ITGB8: variants seen among roughly 807,000 people sequenced by gnomAD.
ITGB8 encodes the protein integrin subunit beta 8.
A neutral mutation model predicts 89.5 loss-of-function variants in ITGB8; 30 were observed. That is an observed-to-expected ratio of 0.34 (90% confidence interval 0.25 to 0.45). The LOEUF is 0.45. Among genes scored for constraint, ITGB8 ranks in the 20% least tolerant of loss-of-function variants. The pLI is 1.00. For synonymous variants in ITGB8, 335 were observed against 320.4 expected (o/e 1.05, Z -0.49); for missense variants, 836 against 933.3 (o/e 0.90, Z 1.36).
At chr7:20,381,649 G>C in intron 5 of ITGB8, 78 bp from the exon 6 acceptor site, 1 of 1,097,586 alleles carries the variant, frequency 9.1e-7, no homozygotes. Flanking sequence ...CAACTCAAAC[G>C]TAATGTTTAC....
At chr7:20,371,844 T>C (rs1267555621) in intron 3 of ITGB8, among the ~76,000 whole-genome samples, 2 of 152,242 alleles carry the variant, frequency 1.3e-5, no homozygotes, top group Non-Finnish European at 2.9e-5. Context: ...CTTTTTAATG[T>C]AGATTGTTAC....
chr7:20,383,496 G>T (rs1308150737), intron 6 of ITGB8, among the ~76,000 whole-genome samples: 1 of 152,092 alleles, frequency 6.6e-6, no homozygotes, highest in Non-Finnish European at 1.5e-5. Flanking sequence ...GGTACAGGAA[G>T]AATTATTCTA....
chr7:20,347,601 G>C (rs1784971263), intron 1 of ITGB8, among the ~76,000 whole-genome samples: 1 of 152,148 alleles, frequency 6.6e-6, no homozygotes, highest in South Asian at 2.1e-4. Flanking sequence ...AGAATAGATG[G>C]GAAAATAATG....
chr7:20,385,523 C>G (rs2127966589), intron 6 of ITGB8, among the ~76,000 whole-genome samples: 1 of 152,286 alleles, frequency 6.6e-6, no homozygotes, highest in Middle Eastern at 3.4e-3. Flanking sequence ...TTTGGATAGG[C>G]TAGCTGCTGA....
chr7:20,356,798 C>G (rs1236538235), intron 1 of ITGB8, among the ~76,000 whole-genome samples: 1 of 152,156 alleles, frequency 6.6e-6, no homozygotes, highest in Non-Finnish European at 1.5e-5. Flanking sequence ...CTAGAAATGT[C>G]TCTAAAAACT....
At chr7:20,341,085 C>T (rs1369478627) in intron 1 of ITGB8, among the ~76,000 whole-genome samples, 1 of 152,160 alleles carries the variant, frequency 6.6e-6, no homozygotes, top group African/African-American at 2.4e-5. Context: ...TAGTTGGAAA[C>T]AAAGACACTA....
intron 1 of ITGB8, among the ~76,000 whole-genome samples, chr7:20,353,856 C>A (rs1394733312): frequency 2.5e-5 from 3 of 122,408 alleles, no homozygotes; most frequent in African/African-American, 1.0e-4. Flanking sequence ...GGCGTGAACC[C>A]GGGAGGCGAA....
intron 1 of ITGB8, among the ~76,000 whole-genome samples, chr7:20,348,723 A>G (rs1451454190): frequency 6.6e-6 from 1 of 152,140 alleles, no homozygotes; most frequent in African/African-American, 2.4e-5. Context: ...AAGATGGGGG[A>G]GCATATAAAT....
At chr7:20,384,294 T>TCAACAGTCTGAAC (rs1554309144) in intron 6 of ITGB8, among the ~76,000 whole-genome samples, 1 of 111,574 alleles carries the variant, frequency 9.0e-6, no homozygotes, top group Non-Finnish European at 2.1e-5. Flanking sequence ...GTTTCTTGAT[T>TCAACAGTCTGAAC]CAAGAGTCTT....
intron 2 of ITGB8, chr7:20,365,355 C>A (rs1263522577): frequency 1.3e-5 from 2 of 152,206 alleles, no homozygotes; most frequent in Non-Finnish European, 2.9e-5. Flanking sequence ...TAGCGCAGTG[C>A]AGCCTAGTTT....
At chr7:20,362,706 G>C (rs1583491579) in intron 1 of ITGB8, among the ~76,000 whole-genome samples, 1 of 152,168 alleles carries the variant, frequency 6.6e-6, no homozygotes, top group African/African-American at 2.4e-5. Context: ...ATCACACCGT[G>C]ACTTCCAGTG....
At position 20,331,566 on chromosome 7, in the gene ITGB8, T is replaced by C; in HGVS notation, c.-241T>C. The C allele has an allele frequency of 2.2e-6, 1 of 456,524 alleles. No homozygotes were observed. The allele number at this position is 456,524 out of a possible 1,614,324, so 28.3% of individuals were successfully genotyped here. A position where few individuals can be genotyped will look rare whatever the true frequency, so the allele number is the denominator to read the frequency against. On this transcript the variant is annotated 5_prime_UTR_variant, in exon 1 of 14. Transcript: ENST00000222573. ...CCTTGGCCGTCGAAGGAGGTGCTTC[T>C]CGCGGAGACCGCGGGACCCGCCGTG...
chr7:20,377,775 G>T (rs1328337574), intron 3 of ITGB8, among the ~76,000 whole-genome samples: 1 of 152,116 alleles, frequency 6.6e-6, no homozygotes, highest in Non-Finnish European at 1.5e-5. Flanking sequence ...AAGCAAATTA[G>T]GAATGAGTAG....
chr7:20,392,013 TAAG>T (rs1786879729), intron 7 of ITGB8, among the ~76,000 whole-genome samples: 1 of 152,154 alleles, frequency 6.6e-6, no homozygotes, highest in Non-Finnish European at 1.5e-5. Flanking sequence ...CCTTCACACA[TAAG>T]AATAATCTTG....
chr7:20,390,409 T>C (rs928627391), intron 6 of ITGB8, among the ~76,000 whole-genome samples: 7 of 152,084 alleles, frequency 4.6e-5, no homozygotes, highest in Non-Finnish European at 7.4e-5. Flanking sequence ...ATATTACCAA[T>C]AATATACCTA....
intron 4 of ITGB8, 81 bp downstream of exon 4, chr7:20,379,378 C>T: frequency 1.1e-6 from 1 of 874,528 alleles, no homozygotes; most frequent in Non-Finnish European, 1.6e-6. Flanking sequence ...AAAGAACTTA[C>T]CAAATTTTAT....
At chr7:20,380,641 T>G in intron 4 of ITGB8, 25 bp from the exon 5 acceptor site, 1 of 1,600,064 alleles carries the variant, frequency 6.2e-7, no homozygotes, top group East Asian at 2.2e-5. Context: ...AAAATAAACT[T>G]TACACTTCTT....
chr7:20,378,031 C>G (rs1011643385), intron 3 of ITGB8, among the ~76,000 whole-genome samples: 11 of 152,004 alleles, frequency 7.2e-5, no homozygotes, highest in African/African-American at 2.4e-4. Context: ...AAAATAATGA[C>G]TTACAAAGCA....
intron 5 of ITGB8, 88 bp from the exon 6 acceptor site, chr7:20,381,639 C>A: frequency 1.0e-6 from 1 of 985,734 alleles, no homozygotes; most frequent in Non-Finnish European, 1.5e-6. Context: ...TACTGTTCGT[C>A]AACTCAAACG....
Sources: gnomAD v4.1 joint callset for allele counts (sites outside exome capture counted in the v4.1 genomes callset) on GRCh38, gnomAD v4.1.1 for gene constraint, MANE v1.5 for transcripts, NCBI Gene and HGNC (gene_info 2026-07-23, HGNC 2026-07-21) for gene names.